Variants in TACR1 observed in about 807,000 individuals in gnomAD.
TACR1 encodes the protein tachykinin receptor 1.
In TACR1, 25 loss-of-function variants were observed where a neutral mutation model predicts 35.8. That is an observed-to-expected ratio of 0.70 (90% CI 0.51 to 0.98). The LOEUF is 0.98. Among genes scored for constraint, TACR1 ranks in the 50% least tolerant of loss-of-function variants. The pLI is 0.00. For missense variants in TACR1, 478 were observed against 522.9 expected (o/e 0.91, Z 0.84); for synonymous variants, 195 against 206.7 (o/e 0.94, Z 0.48).
At chr2:75,149,035 T>C (rs1037208097) in intron 1 of TACR1, among the ~76,000 whole-genome samples, 9 of 152,180 alleles carry the variant, frequency 5.9e-5, no homozygotes, top group African/African-American at 2.2e-4. Context: ...TAGTTTTAGA[T>C]GTGTAGTGTT....
intron 1 of TACR1, among the ~76,000 whole-genome samples, chr2:75,159,362 TC>T (rs1253741647): frequency 1.3e-5 from 2 of 152,230 alleles, no homozygotes; most frequent in African/African-American, 4.8e-5. Context: ...AATTGTATTA[TC>T]TTTTTATTTA....
intron 2 of TACR1, among the ~76,000 whole-genome samples, chr2:75,094,838 CATATAT>C (rs770472061): frequency 3.3e-5 from 4 of 119,876 alleles, no homozygotes; most frequent in African/African-American, 9.3e-5. Flanking sequence ...GAAGCAGAAA[CATATAT>C]ATATATATAT....
chr2:75,083,171 G>A (rs1443330792), intron 2 of TACR1, among the ~76,000 whole-genome samples: 3 of 152,064 alleles, frequency 2.0e-5, no homozygotes, highest in Admixed American at 6.6e-5. Flanking sequence ...AGCACCATTT[G>A]TTAAATAGGG....
At chr2:75,168,671 T>C (rs996979935) in intron 1 of TACR1, among the ~76,000 whole-genome samples, 1 of 152,218 alleles carries the variant, frequency 6.6e-6, no homozygotes, top group Non-Finnish European at 1.5e-5. Flanking sequence ...TTGGGTTGTT[T>C]CAAGCCATTA....
chr2:75,190,465 T>A (rs1429404989), intron 1 of TACR1, among the ~76,000 whole-genome samples: 1 of 152,162 alleles, frequency 6.6e-6, no homozygotes, highest in African/African-American at 2.4e-5. Flanking sequence ...GGGAAGAACA[T>A]AAATGTTTTA....
intron 2 of TACR1, among the ~76,000 whole-genome samples, chr2:75,064,141 GA>G (rs1247027431): frequency 4.0e-5 from 6 of 151,358 alleles, no homozygotes; most frequent in African/African-American, 1.5e-4. Context: ...AATGGCTCAA[GA>G]GTCTGGGAAT....
intron 2 of TACR1, among the ~76,000 whole-genome samples, chr2:75,096,590 C>T (rs192352772): frequency 3.3e-5 from 5 of 152,260 alleles, no homozygotes; most frequent in Admixed American, 2.0e-4. Flanking sequence ...GATGTGTAAA[C>T]GACACTTTGG....
At chr2:75,126,440 T>C (rs919472738) in intron 1 of TACR1, among the ~76,000 whole-genome samples, 4 of 152,164 alleles carry the variant, frequency 2.6e-5, no homozygotes, top group Non-Finnish European at 5.9e-5. Flanking sequence ...TTCCTCTGGG[T>C]ATATACCCAG....
Position 75,162,384 on chromosome 2 carries a change from CCTAA to C in TACR1, c.389+36158_389+36161del, listed in dbSNP as rs553886376. 3.3e-5 allele frequency among the ~76,000 whole-genome samples: 5 copies of C among 152,254 alleles called. No individual in the cohort carries two copies. The South Asian group carries it at 8.3e-4, about 25-fold the overall frequency. On this transcript the variant is annotated intron_variant, in intron 1 of 4. Transcript: ENST00000305249. Reference sequence around the variant, plus strand: ...GTTAGAGGCACACAGTGTTTTGTTCCCTAACTAATTCTAGCCAATGGCCAATGGT... The same window carrying C: ...GTTAGAGGCACACAGTGTTTTGTTCCCTAATTCTAGCCAATGGCCAATGGT...
intron 2 of TACR1, among the ~76,000 whole-genome samples, chr2:75,094,859 A>ATATATATATATATATATATT: frequency 3.5e-4 from 40 of 113,088 alleles, no homozygotes; most frequent in African/African-American, 5.8e-4. Flanking sequence ...ATATATATAT[A>ATATATATATATATATATATT]TTTTTTTTTT....
chr2:75,194,930 G>A (rs1675928572), intron 1 of TACR1, among the ~76,000 whole-genome samples: 1 of 152,126 alleles, frequency 6.6e-6, no homozygotes, highest in Non-Finnish European at 1.5e-5. Context: ...TGCAGGGCTT[G>A]GAGATTGCCT....
intron 1 of TACR1, chr2:75,187,689 G>T (rs1230597546): frequency 6.6e-6 from 1 of 152,220 alleles, no homozygotes; most frequent in Non-Finnish European, 1.5e-5. Context: ...AAATTGGATT[G>T]GCTGTGAAGG....
intron 1 of TACR1, among the ~76,000 whole-genome samples, chr2:75,153,039 C>T (rs2103969193): frequency 6.6e-6 from 1 of 152,262 alleles, no homozygotes; most frequent in South Asian, 2.1e-4. Flanking sequence ...AGTAGTGGGA[C>T]TACAGGCGTG....
intron 1 of TACR1, among the ~76,000 whole-genome samples, chr2:75,135,918 A>C (rs735668): frequency 0.41 from 62,892 of 151,908 alleles, 14,007 homozygotes; most frequent in Non-Finnish European, 0.5. Context: ...TCCCCTCTCC[A>C]TTTCGCATTC....
At chr2:75,152,981 C>T (rs1355868444) in intron 1 of TACR1, among the ~76,000 whole-genome samples, 1 of 152,216 alleles carries the variant, frequency 6.6e-6, no homozygotes, top group Admixed American at 6.5e-5. Flanking sequence ...CGGCTCACTG[C>T]AACCTCTGCC....
rs564677774 is a variant in TACR1, at chr2:75,134,872, G to A, written c.390-14104C>T. ...GCAGAGATGTTGACTCTCAGATGTT[G>A]ATGAAGAAACAAGGCTAGAGGATTG... On this transcript the variant is annotated intron_variant, in intron 1 of 4. Coordinates refer to ENST00000305249, the MANE Select transcript of TACR1 (RefSeq NM_001058.4). Among the ~76,000 whole-genome samples, 99 of 152,290 alleles carry A rather than the reference G, an allele frequency of 6.5e-4. 2 individuals carry two copies. In the South Asian group the frequency reaches 0.02, roughly 31 times the overall value.
chr2:75,154,401 A>AGCGCGCTC (rs142809732), intron 1 of TACR1: 3 of 76,500 alleles, frequency 3.9e-5, no homozygotes, highest in African/African-American at 1.7e-4. Flanking sequence ...ATCAGCCAAG[A>AGCGCGCTC]GCGCGCACGC....
At chr2:75,155,434 C>T (rs1223434383) in intron 1 of TACR1, among the ~76,000 whole-genome samples, 1 of 151,978 alleles carries the variant, frequency 6.6e-6, no homozygotes, top group Admixed American at 6.6e-5. Flanking sequence ...CCCTTTCTCT[C>T]CTCTCTCTAT....
chr2:75,123,374 A>AAC (rs1674009693), intron 1 of TACR1, among the ~76,000 whole-genome samples: 1 of 152,170 alleles, frequency 6.6e-6, no homozygotes. Flanking sequence ...AACAAATCCT[A>AAC]ACACCACTCC....
Sources: gnomAD v4.1 joint callset for allele counts (sites outside exome capture counted in the v4.1 genomes callset) on GRCh38, gnomAD v4.1.1 for gene constraint, MANE v1.5 for transcripts, NCBI Gene and HGNC (gene_info 2026-07-23, HGNC 2026-07-21) for gene names.